Variants in RETREG1 observed in about 807,000 individuals in gnomAD.
RETREG1 encodes reticulophagy regulator 1, also known as family with sequence similarity 134 member B.
In RETREG1, 44 loss-of-function variants were observed where a neutral mutation model predicts 54.8. The ratio of observed to expected loss-of-function variants is 0.80; its 90% confidence interval spans 0.63 to 1.03. The LOEUF (loss-of-function observed/expected upper bound fraction) is 1.03, where lower values mean the gene tolerates loss of function less well. RETREG1 is among the 50% of genes least tolerant of loss of function. The probability of loss-of-function intolerance (pLI) is 0.00; values close to 1 mark genes in which losing one functional copy is unlikely to be tolerated. For missense variants in RETREG1, 554 were observed against 605.1 expected (o/e 0.92, Z 0.89); for synonymous variants, 217 against 238.5 (o/e 0.91, Z 0.83).
intron 4 of RETREG1, among the ~76,000 whole-genome samples, chr5:16,482,308 A>G (rs1359821387): frequency 1.3e-5 from 2 of 152,060 alleles, no homozygotes; most frequent in Non-Finnish European, 2.9e-5. Flanking sequence ...TAGCATCATC[A>G]TTTTAAGCTA....
intron 3 of RETREG1, among the ~76,000 whole-genome samples, chr5:16,528,483 A>G (rs114013062): frequency 1.3e-5 from 2 of 152,136 alleles, no homozygotes; most frequent in South Asian, 2.1e-4. Context: ...TGCCTGGGAC[A>G]GGAGTCAGCT....
chr5:16,548,526 G>A (rs991602704), intron 3 of RETREG1, among the ~76,000 whole-genome samples: 14 of 152,158 alleles, frequency 9.2e-5, no homozygotes, highest in African/African-American at 2.4e-4. Flanking sequence ...GTATGACACC[G>A]AGATTTTATG....
chr5:16,537,612 C>T (rs113206794), intron 3 of RETREG1, among the ~76,000 whole-genome samples: 85 of 152,272 alleles, frequency 5.6e-4, no homozygotes, highest in Middle Eastern at 6.8e-3. Context: ...GCACAAGAAT[C>T]GCTTGAAGCC....
rs148641812 is a variant in RETREG1, at chr5:16,601,411, T to C, written c.320+15241A>G. ...ATTTTCTTTTTTTTTTTTTCTTTTT[T>C]TTTGAGATGGAGTCTTGCTGTGTCG... On this transcript the variant is annotated intron_variant, in intron 1 of 8. Coordinates refer to ENST00000306320, the MANE Select transcript of RETREG1 (RefSeq NM_001034850.3). Among the ~76,000 whole-genome samples the C allele has an allele frequency of 5.2e-3, 786 of 152,060 alleles. 5 individuals carry two copies. The highest frequency in any genetic ancestry group is 0.018 in the African/African-American group (739 of 41,468).
chr5:16,540,410 G>A (rs1317096542), intron 3 of RETREG1, among the ~76,000 whole-genome samples: 2 of 152,164 alleles, frequency 1.3e-5, no homozygotes, highest in Non-Finnish European at 2.9e-5. Context: ...CAAATACAGG[G>A]CAGGGCTAAG....
chr5:16,550,272 A>AT (rs977560310), intron 3 of RETREG1, among the ~76,000 whole-genome samples: 11 of 70,070 alleles, frequency 1.6e-4, no homozygotes, highest in Non-Finnish European at 2.3e-4. Flanking sequence ...CCTCTTTAAA[A>AT]TTTAAAAAAA....
At chr5:16,581,649 C>G (rs892670433) in intron 1 of RETREG1, among the ~76,000 whole-genome samples, 1 of 151,960 alleles carries the variant, frequency 6.6e-6, no homozygotes, top group African/African-American at 2.4e-5. Context: ...TCCTAGAACC[C>G]AAGTGATTAG....
At chr5:16,563,852 A>T (rs1383361266) in intron 3 of RETREG1, among the ~76,000 whole-genome samples, 1 of 152,184 alleles carries the variant, frequency 6.6e-6, no homozygotes, top group East Asian at 1.9e-4. Flanking sequence ...GTTAATTAAG[A>T]TACTGGAAAA....
At chr5:16,515,851 A>G (rs997185851) in intron 3 of RETREG1, among the ~76,000 whole-genome samples, 1 of 152,168 alleles carries the variant, frequency 6.6e-6, no homozygotes, top group Non-Finnish European at 1.5e-5. Flanking sequence ...GAGGGAAAAG[A>G]AAAACTCTAA....
intron 3 of RETREG1, among the ~76,000 whole-genome samples, chr5:16,560,776 A>C (rs1231421171): frequency 6.6e-6 from 1 of 152,218 alleles, no homozygotes; most frequent in East Asian, 1.9e-4. Context: ...AGTGTTCTTT[A>C]ATTTTTCAGT....
intron 3 of RETREG1, among the ~76,000 whole-genome samples, chr5:16,555,538 C>T (rs968990038): frequency 1.3e-5 from 2 of 152,072 alleles, no homozygotes; most frequent in East Asian, 1.9e-4. Context: ...AAAGGATGGA[C>T]GAATGAACAA....
At chr5:16,604,821 G>A (rs1743141153) in intron 1 of RETREG1, among the ~76,000 whole-genome samples, 1 of 152,194 alleles carries the variant, frequency 6.6e-6, no homozygotes, top group Admixed American at 6.5e-5. Context: ...GCACTACACT[G>A]AATCATTTGG....
chr5:16,508,697 C>A, intron 3 of RETREG1: 1 of 1,603,692 alleles, frequency 6.2e-7, no homozygotes. Flanking sequence ...AGTTTCTTTT[C>A]TACTCTAATG....
intron 1 of RETREG1, among the ~76,000 whole-genome samples, chr5:16,579,436 GAA>G (rs1313401431): frequency 6.6e-6 from 1 of 152,172 alleles, no homozygotes. Flanking sequence ...GCTCCCACAT[GAA>G]AAGAGCTGGA....
chr5:16,545,986 G>A (rs533057780), intron 3 of RETREG1, among the ~76,000 whole-genome samples: 120 of 152,318 alleles, frequency 7.9e-4, no homozygotes, highest in African/African-American at 2.5e-3. Flanking sequence ...GCAGCATGCC[G>A]TGCAGATGTG....
intron 3 of RETREG1, among the ~76,000 whole-genome samples, chr5:16,510,232 T>C (rs913184058): frequency 6.6e-6 from 1 of 152,178 alleles, no homozygotes; most frequent in Admixed American, 6.5e-5. Context: ...AACAATTCCT[T>C]AAGGCATTTC....
chr5:16,474,616 TAAAAC>T lies in RETREG1; in HGVS notation c.*120_*124del, dbSNP rs1385005799. 17 of 1,219,084 alleles carry T rather than the reference TAAAAC, an allele frequency of 1.4e-5. No homozygotes were observed. Among genetic ancestry groups the T allele is most frequent in the African/African-American group, 7.7e-5 (5 of 64,698 alleles). 75.5% of individuals were successfully genotyped at this position (1,219,084 alleles called of 1,614,324 possible). ...AATTAATTCACTGCAGGAGGGAAAA[TAAAAC>T]AAATCTAAAGTAATCATTAAAGCTT... On this transcript the variant is annotated 3_prime_UTR_variant, in exon 9 of 9. Coordinates refer to ENST00000306320, the MANE Select transcript of RETREG1 (RefSeq NM_001034850.3).
intron 3 of RETREG1, among the ~76,000 whole-genome samples, chr5:16,554,431 T>A (rs1741630779): frequency 6.6e-6 from 1 of 152,222 alleles, no homozygotes; most frequent in Admixed American, 6.5e-5. Flanking sequence ...TGCTGCTGCC[T>A]GCAGAGTGCT....
chr5:16,508,798 CA>C, intron 3 of RETREG1: 1 of 1,457,148 alleles, frequency 6.9e-7, no homozygotes, highest in Non-Finnish European at 9.0e-7. Flanking sequence ...TTGGTGTTTA[CA>C]AACTTCCAAA....
Sources: allele counts gnomAD v4.1 joint callset (sites outside exome capture counted in the v4.1 genomes callset), GRCh38; gene constraint gnomAD v4.1.1; transcripts MANE v1.5; gene names NCBI Gene and HGNC (gene_info 2026-07-23, HGNC 2026-07-21).